The following TPP2 variants were observed in gnomAD, a reference collection of about 807,000 sequenced individuals.
The protein encoded by TPP2 is tripeptidyl-peptidase 2.
In TPP2, 34 loss-of-function variants were observed where a neutral mutation model predicts 155.9. The observed-to-expected ratio is 0.22, with a 90% CI of 0.17 to 0.29. The LOEUF is 0.29. Among genes scored for constraint, TPP2 ranks in the 10% least tolerant of loss-of-function variants. TPP2 has a pLI of 1.00. For synonymous variants in TPP2, 510 were observed against 529.4 expected, an observed-to-expected ratio of 0.96 and a Z score of 0.50; for missense variants, 1,028 against 1,522.3, an observed-to-expected ratio of 0.68 and a Z score of 5.40.
intron 5 of TPP2, among the ~76,000 whole-genome samples, chr13:102,620,765 T>A (rs949985132): frequency 2.3e-4 from 35 of 152,340 alleles, no homozygotes; most frequent in African/African-American, 7.2e-4. Context: ...TCATTGTCAC[T>A]CCAAATGGAA....
chr13:102,623,235 G>C (rs1240404192), intron 6 of TPP2, among the ~76,000 whole-genome samples, 195 bp downstream of exon 6: 1 of 152,180 alleles, frequency 6.6e-6, no homozygotes, highest in South Asian at 2.1e-4. Context: ...GTGGGATCCA[G>C]TCCAAGAATA....
Position 102,644,904 on chromosome 13 carries a change from T to C in TPP2, c.2293-5T>C. ...TGAGAAAGTAATTTGAGAAATCCTT[T>C]GTAGCATGCATCGGAAGGAATCAAC... On this transcript the variant is annotated splice_region_variant and splice_polypyrimidine_tract_variant and intron_variant, in intron 18 of 29. Coordinates refer to ENST00000376052, the MANE Select transcript of TPP2 (RefSeq NM_001330588.2). 2 of 1,612,752 alleles carry C rather than the reference T, an allele frequency of 1.2e-6. No homozygotes were observed. Among genetic ancestry groups the C allele is most frequent in the Non-Finnish European group, 1.7e-6 (2 of 1,179,464 alleles).
In TPP2 at chr13:102,674,377, G is replaced by A. The variant is rs756043080; in HGVS notation, c.3466G>A (p.Gly1156Arg). 1.1e-5 allele frequency: 18 copies of A among 1,613,800 alleles called. No individual in the cohort carries two copies. The highest frequency in any genetic ancestry group is 4.4e-5 in the South Asian group (4 of 91,064). Residue 1156 changes from glycine (G) to arginine (R), a missense_variant, in exon 28 of 30, where the codon GGA (glycine) becomes AGA (arginine). By Grantham distance (125) the Gly-to-Arg change is moderately radical. Coordinates refer to ENST00000376052, the MANE Select transcript of TPP2 (RefSeq NM_001330588.2). ...DHLLHTQAQD[G>R]AISTDAEGKE... Reference sequence around the variant, plus strand: ...TCTTCTTCACACCCAGGCTCAAGACGGAGCCATTTCCACTGATGCAGAAGG... The same window carrying A: ...TCTTCTTCACACCCAGGCTCAAGACAGAGCCATTTCCACTGATGCAGAAGG...
At chr13:102,600,200 G>C (rs942796575) in intron 1 of TPP2, among the ~76,000 whole-genome samples, 2 of 151,896 alleles carry the variant, frequency 1.3e-5, no homozygotes, top group Non-Finnish European at 2.9e-5. Flanking sequence ...GCCTCCCCTT[G>C]AACATTTCAT....
intron 11 of TPP2, among the ~76,000 whole-genome samples, 161 bp downstream of exon 11, chr13:102,634,259 G>A (rs549427597): frequency 2.4e-4 from 36 of 152,306 alleles, no homozygotes; most frequent in Middle Eastern, 3.4e-3. Flanking sequence ...TTGAATGTGT[G>A]TTTATTCAGC....
chr13:102,628,243 A>G (rs1881782295), intron 8 of TPP2, among the ~76,000 whole-genome samples: 1 of 152,100 alleles, frequency 6.6e-6, no homozygotes, highest in African/African-American at 2.4e-5. Flanking sequence ...CTTCTGAGAT[A>G]TGCAACCCAC....
At chr13:102,659,978 A>T (rs1189574625) in intron 25 of TPP2, among the ~76,000 whole-genome samples, 1 of 112,082 alleles carries the variant, frequency 8.9e-6, no homozygotes, top group Admixed American at 8.0e-5. Flanking sequence ...AAATGACTGC[A>T]GATAGTAAAG....
At chr13:102,638,178 T>C in intron 14 of TPP2, 61 bp from the exon 15 acceptor site, 1 of 1,492,196 alleles carries the variant, frequency 6.7e-7, no homozygotes, top group Non-Finnish European at 9.3e-7. Flanking sequence ...AGTTTAGACC[T>C]TCCCCCGCTC....
intron 27 of TPP2, 144 bp downstream of exon 27, chr13:102,665,069 C>G: frequency 1.9e-6 from 2 of 1,044,276 alleles, no homozygotes; most frequent in Non-Finnish European, 2.7e-6. Context: ...TGGATACTCC[C>G]CTCCTTAGAA....
Position 102,638,270 on chromosome 13 carries a change from C to G in TPP2, c.1868C>G (p.Ala623Gly). The G allele has an allele frequency of 6.2e-7, 1 of 1,612,940 alleles. No individual in the cohort carries two copies. The highest frequency in any genetic ancestry group is 8.5e-7 in the Non-Finnish European group (1 of 1,179,958). ...GGCTATGATATAGCATCCCCTAACG[C>G]AGGTCCGCTCTTCAGAGTTCCGATC... The part of the protein sequence containing the change: ...VCGYDIASPN[A>G]GPLFRVPITA... The change falls in exon 15 of 30, where the codon GCA becomes GGA. Residue 623 changes from alanine to glycine, a missense_variant. Ala to Gly is a moderately conservative substitution (Grantham distance 60, BLOSUM62 0). Around this residue, in one of 7 missense-constraint regions of TPP2, gnomAD observed 325 missense variants for 463.7 expected, o/e 0.70. Transcript: ENST00000376052.
chr13:102,674,528 G>A (rs1183443558), intron 28 of TPP2, 38 bp downstream of exon 28: 3 of 1,606,616 alleles, frequency 1.9e-6, no homozygotes, highest in Non-Finnish European at 2.6e-6. Flanking sequence ...AAGTTCTTGG[G>A]GTTACCTCAC....
intron 14 of TPP2, 90 bp from the exon 15 acceptor site, chr13:102,638,149 A>G: frequency 8.1e-7 from 1 of 1,229,446 alleles, no homozygotes. Context: ...TTAAAAGTAG[A>G]TTGATTTATT....
chr13:102,614,219 T>A, intron 3 of TPP2, 23 bp downstream of exon 3: 1 of 1,547,396 alleles, frequency 6.5e-7, no homozygotes, highest in East Asian at 2.3e-5. Context: ...CTGGTACCAA[T>A]GAGTTGTATT....
At chr13:102,597,382 A>G (rs1285409742) in intron 1 of TPP2, among the ~76,000 whole-genome samples, 179 bp downstream of exon 1, 2 of 152,046 alleles carry the variant, frequency 1.3e-5, no homozygotes, top group Non-Finnish European at 2.9e-5. Context: ...GGCGCCCGCC[A>G]AGGGGACTCA....
At chr13:102,606,874 C>G (rs977616012) in intron 2 of TPP2, among the ~76,000 whole-genome samples, 4 of 152,158 alleles carry the variant, frequency 2.6e-5, no homozygotes, top group Non-Finnish European at 4.4e-5. Context: ...GTCCCCACCC[C>G]CTGCCAAAAT....
chr13:102,662,098 A>G (rs1487169082), intron 25 of TPP2, among the ~76,000 whole-genome samples: 2 of 152,200 alleles, frequency 1.3e-5, no homozygotes, highest in Admixed American at 6.5e-5. Flanking sequence ...TGGGATTAAT[A>G]CATGCTCCAA....
intron 5 of TPP2, among the ~76,000 whole-genome samples, chr13:102,622,299 A>G (rs1185752044): frequency 6.6e-6 from 1 of 152,250 alleles, no homozygotes; most frequent in African/African-American, 2.4e-5. Flanking sequence ...TTTTGTTTTA[A>G]TCAGGCTATC....
intron 27 of TPP2, among the ~76,000 whole-genome samples, chr13:102,669,688 T>G (rs1037031805): frequency 6.6e-6 from 1 of 152,120 alleles, no homozygotes; most frequent in Non-Finnish European, 1.5e-5. Flanking sequence ...GTTTAGTCTT[T>G]GGGTAAGTTG....
chr13:102,606,483 A>C (rs971332702), intron 2 of TPP2, among the ~76,000 whole-genome samples: 1 of 152,198 alleles, frequency 6.6e-6, no homozygotes, highest in Non-Finnish European at 1.5e-5. Flanking sequence ...CCAAGTTTAC[A>C]TGATTGTTGG....
Sources: allele counts gnomAD v4.1 joint callset (sites outside exome capture counted in the v4.1 genomes callset), GRCh38; gene constraint gnomAD v4.1.1; regional missense constraint gnomAD v4.1.1; transcripts MANE v1.5; gene names NCBI Gene and HGNC (gene_info 2026-07-23, HGNC 2026-07-21).